Variants in SCRG1 observed in about 807,000 individuals in gnomAD.
SCRG1 encodes the protein scrapie-responsive protein 1.
SCRG1 carries 3 observed loss-of-function variants against 7.7 expected under a neutral mutation model. The ratio of observed to expected loss-of-function variants is 0.39; its 90% CI spans 0.18 to 1.01. The LOEUF is 1.01. Ranked by LOEUF, SCRG1 falls within the 50% of genes least tolerant of loss-of-function variation. SCRG1 has a pLI of 0.36. For missense variants in SCRG1, 110 were observed against 117.2 expected, an observed-to-expected ratio of 0.94 and a Z score of 0.28; for synonymous variants, 46 against 41.2, an observed-to-expected ratio of 1.12 and a Z score of -0.44.
At chr4:173,440,609 G>A in the SCRG1 span, among the ~76,000 whole-genome samples, 1 of 152,206 alleles carries the variant, frequency 6.6e-6, no homozygotes, top group African/African-American at 2.4e-5. Flanking sequence ...TGGCAGTGTT[G>A]GGCATAGGTG....
At chr4:173,436,845 T>A in the SCRG1 span, among the ~76,000 whole-genome samples, 4 of 152,320 alleles carry the variant, frequency 2.6e-5, no homozygotes, top group East Asian at 7.7e-4. Context: ...GTTTGGATTT[T>A]CACTAATTAC....
the SCRG1 span, among the ~76,000 whole-genome samples, chr4:173,418,670 C>G: frequency 1.3e-5 from 2 of 152,132 alleles, no homozygotes; most frequent in Admixed American, 1.3e-4. Flanking sequence ...TATACCCACC[C>G]AAATCTCATG....
At chr4:173,472,675 T>C in the SCRG1 span, among the ~76,000 whole-genome samples, 2 of 95,300 alleles carry the variant, frequency 2.1e-5, no homozygotes, top group African/African-American at 7.7e-5. Flanking sequence ...CAGGAGGAAT[T>C]ACCTCTTACT....
the SCRG1 span, among the ~76,000 whole-genome samples, chr4:173,492,148 T>TA: frequency 4.6e-5 from 7 of 151,244 alleles, no homozygotes; most frequent in South Asian, 4.2e-4. Flanking sequence ...TTATTTTAAA[T>TA]AAAAAAAAGA....
the SCRG1 span, among the ~76,000 whole-genome samples, chr4:173,475,936 T>C: frequency 2.5e-4 from 38 of 152,024 alleles, no homozygotes; most frequent in Non-Finnish European, 4.7e-4. Context: ...TGCCAGGGCC[T>C]GAGGCAGTTA....
the SCRG1 span, among the ~76,000 whole-genome samples, chr4:173,484,772 A>G: frequency 1.1e-5 from 1 of 92,704 alleles, no homozygotes. Flanking sequence ...TACATATTAT[A>G]TATTATATAC....
At chr4:173,483,547 A>C in the SCRG1 span, among the ~76,000 whole-genome samples, 8 of 40,046 alleles carry the variant, frequency 2.0e-4, 1 homozygote, top group African/African-American at 5.5e-4. Flanking sequence ...GATATATAAT[A>C]TATATTATAT....
chr4:173,443,256 G>T, the SCRG1 span, among the ~76,000 whole-genome samples: 5 of 152,258 alleles, frequency 3.3e-5, no homozygotes, highest in Admixed American at 3.3e-4. Context: ...GAAAGGAAAT[G>T]ATGAGAGACT....
the SCRG1 span, among the ~76,000 whole-genome samples, chr4:173,418,952 CA>C: frequency 2.0e-5 from 3 of 152,198 alleles, no homozygotes; most frequent in African/African-American, 7.2e-5. Context: ...GTGACTCAAT[CA>C]AACCTCTTTT....
At chr4:173,457,707 T>G in the SCRG1 span, among the ~76,000 whole-genome samples, 1 of 152,212 alleles carries the variant, frequency 6.6e-6, no homozygotes, top group Non-Finnish European at 1.5e-5. Flanking sequence ...TTTAATACTT[T>G]AGGCATTTCT....
At chr4:173,494,098 G>T in the SCRG1 span, among the ~76,000 whole-genome samples, 29 of 152,192 alleles carry the variant, frequency 1.9e-4, no homozygotes, top group African/African-American at 7.0e-4. Flanking sequence ...TTCTTTATAA[G>T]TACGCATATA....
the SCRG1 span, among the ~76,000 whole-genome samples, chr4:173,481,892 C>T: frequency 2.0e-5 from 3 of 151,940 alleles, no homozygotes; most frequent in Non-Finnish European, 1.5e-5. Context: ...TTTGGGGAGT[C>T]GAAAGTTACA....
chr4:173,399,552 T>TGC (rs1237648913), upstream of SCRG1: 1 of 152,292 alleles, frequency 6.6e-6, no homozygotes, highest in Non-Finnish European at 1.5e-5. Context: ...AATGGCTAGC[T>TGC]GCGCACCTCT....
chr4:173,435,120 G>GTA, the SCRG1 span, among the ~76,000 whole-genome samples: 10 of 418 alleles, frequency 0.024, no homozygotes, highest in South Asian at 0.12. Context: ...ATATATCTAT[G>GTA]TGTGTGTGTG....
chr4:173,493,925 A>G, the SCRG1 span, among the ~76,000 whole-genome samples: 4 of 152,216 alleles, frequency 2.6e-5, no homozygotes, highest in Non-Finnish European at 5.9e-5. Flanking sequence ...TATAATAGTA[A>G]AATGAGGTTC....
the SCRG1 span, among the ~76,000 whole-genome samples, chr4:173,422,966 A>G: frequency 1.3e-5 from 2 of 152,196 alleles, no homozygotes; most frequent in Non-Finnish European, 2.9e-5. Flanking sequence ...TGTTTTATAA[A>G]AAGCAGTCTC....
the SCRG1 span, among the ~76,000 whole-genome samples, chr4:173,448,104 C>CA: frequency 6.6e-6 from 1 of 152,182 alleles, no homozygotes; most frequent in Admixed American, 6.5e-5. Flanking sequence ...AACTCTGTCT[C>CA]AAAAACCAAC....
At chr4:173,443,805 A>G in the SCRG1 span, among the ~76,000 whole-genome samples, 34 of 152,300 alleles carry the variant, frequency 2.2e-4, 1 homozygote, top group South Asian at 7.1e-3. Context: ...ACCTGGGACT[A>G]TAGGCTTGCG....
At chr4:173,512,104 T>G in the SCRG1 span, among the ~76,000 whole-genome samples, 60 of 152,150 alleles carry the variant, frequency 3.9e-4, no homozygotes, top group African/African-American at 1.4e-3. Flanking sequence ...TTAATTAGAG[T>G]TATGTGGGCC....
Sources: allele counts gnomAD v4.1 joint callset (sites outside exome capture counted in the v4.1 genomes callset), GRCh38; gene constraint gnomAD v4.1.1; transcripts MANE v1.5; gene names NCBI Gene and HGNC (gene_info 2026-07-23, HGNC 2026-07-21).